Variants in PPP2R2B observed in about 807,000 individuals in gnomAD.
PPP2R2B encodes the protein protein phosphatase 2 regulatory subunit Bbeta.
Under a neutral mutation model 46.0 loss-of-function variants are expected in PPP2R2B, and 5 were observed. The observed-to-expected ratio is 0.11, with a 90% CI of 0.06 to 0.23. PPP2R2B has a LOEUF of 0.23. PPP2R2B is among the 10% of genes least tolerant of loss of function. The pLI, the probability that PPP2R2B is intolerant of heterozygous loss-of-function variation, is 1.00. For missense variants in PPP2R2B, 367 were observed against 575.0 expected, an observed-to-expected ratio of 0.64 and a Z score of 3.70; for synonymous variants, 215 against 206.7, an observed-to-expected ratio of 1.04 and a Z score of -0.34.
chr5:146,879,450 A>C (rs1245714422), upstream of PPP2R2B, among the ~76,000 whole-genome samples: 1 of 152,200 alleles, frequency 6.6e-6, no homozygotes, highest in Non-Finnish European at 1.5e-5. Context: ...CGTTTTGGAC[A>C]AATTATTGCA....
chr5:146,945,672 A>G (rs1764456801), intron 1 of PPP2R2B, among the ~76,000 whole-genome samples: 1 of 152,206 alleles, frequency 6.6e-6, no homozygotes, highest in South Asian at 2.1e-4. Context: ...TTGTTTTCCT[A>G]AAGTTTAGAG....
At chr5:147,014,558 A>C (rs1355593823) in intron 1 of PPP2R2B, among the ~76,000 whole-genome samples, 1 of 152,176 alleles carries the variant, frequency 6.6e-6, no homozygotes, top group Non-Finnish European at 1.5e-5. Flanking sequence ...ATGCAGCCAT[A>C]AAAAATGATG....
intron 2 of PPP2R2B, among the ~76,000 whole-genome samples, chr5:146,840,862 A>G (rs1185563352): frequency 6.6e-6 from 1 of 152,206 alleles, no homozygotes; most frequent in Non-Finnish European, 1.5e-5. Flanking sequence ...TAGACTAATA[A>G]AAGAAACAAA....
At position 146,588,982 on chromosome 5, in the gene PPP2R2B, C is replaced by G. The variant is rs1348924273; in HGVS notation, c.*965G>C. The G allele has an allele frequency of 6.6e-6, 1 of 152,202 alleles. No homozygotes were observed. The highest frequency in any genetic ancestry group is 2.4e-5 in the African/African-American group (1 of 41,418). The allele number at this position is 152,202 out of a possible 1,614,324, so 9.4% of individuals were successfully genotyped here. On this transcript the variant is annotated 3_prime_UTR_variant, in exon 10 of 10. Coordinates refer to ENST00000394411, the MANE Select transcript of PPP2R2B (RefSeq NM_181675.4). Reference sequence around the variant, plus strand: ...AAACACCCAAAAAGAACAGACCAGCCTTTCTCAGGGACTCAGGGGTGGTGG... The same window carrying G: ...AAACACCCAAAAAGAACAGACCAGCGTTTCTCAGGGACTCAGGGGTGGTGG...
At chr5:146,813,689 C>A (rs571927100) in intron 2 of PPP2R2B, among the ~76,000 whole-genome samples, 1 of 152,156 alleles carries the variant, frequency 6.6e-6, no homozygotes, top group Non-Finnish European at 1.5e-5. Flanking sequence ...TGCTCTGCTC[C>A]GCTGCTATTT....
chr5:146,649,786 T>C (rs1434892945), intron 6 of PPP2R2B, among the ~76,000 whole-genome samples: 3 of 152,148 alleles, frequency 2.0e-5, no homozygotes, highest in Non-Finnish European at 4.4e-5. Flanking sequence ...GAGATAATGA[T>C]ACTTACATTA....
At chr5:146,604,843 C>G (rs1353612086) in intron 7 of PPP2R2B, among the ~76,000 whole-genome samples, 1 of 152,196 alleles carries the variant, frequency 6.6e-6, no homozygotes, top group African/African-American at 2.4e-5. Context: ...ACCTCCACAA[C>G]AGGGCCTTGC....
chr5:146,857,271 T>G (rs1363053554), intron 2 of PPP2R2B, among the ~76,000 whole-genome samples: 1 of 152,104 alleles, frequency 6.6e-6, no homozygotes, highest in Non-Finnish European at 1.5e-5. Context: ...TATGAGGTTA[T>G]ATCCTACGAG....
chr5:146,851,244 A>C (rs558601791), intron 2 of PPP2R2B, among the ~76,000 whole-genome samples: 3 of 152,108 alleles, frequency 2.0e-5, no homozygotes, highest in Non-Finnish European at 4.4e-5. Flanking sequence ...TATTGGGCTC[A>C]AGCTCTCATC....
intron 1 of PPP2R2B, among the ~76,000 whole-genome samples, chr5:147,033,675 C>G (rs977013324): frequency 6.6e-6 from 1 of 151,924 alleles, no homozygotes; most frequent in Middle Eastern, 3.2e-3. Flanking sequence ...GCAAGTCAAG[C>G]CTTCATCACA....
At chr5:146,684,336 A>C (rs35577600) in intron 5 of PPP2R2B, among the ~76,000 whole-genome samples, 1 of 152,246 alleles carries the variant, frequency 6.6e-6, no homozygotes, top group Admixed American at 6.5e-5. Flanking sequence ...TCCTGACTCA[A>C]CCAATAATTT....
intron 2 of PPP2R2B, among the ~76,000 whole-genome samples, chr5:146,836,936 T>G (rs1211382874): frequency 6.6e-6 from 1 of 152,224 alleles, no homozygotes; most frequent in Non-Finnish European, 1.5e-5. Flanking sequence ...GTCCATCCAT[T>G]CATTTCTTCA....
At position 146,609,367 on chromosome 5, in the gene PPP2R2B, G is replaced by T. The variant is rs377145150; in HGVS notation, c.791-8907C>A. On this transcript the variant is annotated intron_variant, in intron 7 of 9. Transcript: ENST00000394411. ...GTCCTAGATAGAGCAATCAGACAAA[G>T]GAAGAAAAGGCATCCAAATTGGAAA... 1.7e-4 allele frequency among the ~76,000 whole-genome samples: 26 copies of T among 152,282 alleles called. No homozygotes were observed. The East Asian group carries it at 2.9e-3, about 17-fold the overall frequency.
intron 1 of PPP2R2B, among the ~76,000 whole-genome samples, chr5:147,033,698 A>C (rs1452158232): frequency 6.6e-6 from 1 of 152,126 alleles, no homozygotes; most frequent in Admixed American, 6.5e-5. Flanking sequence ...GATGCCACTC[A>C]TATTTCCCTC....
intron 2 of PPP2R2B, among the ~76,000 whole-genome samples, chr5:147,073,147 T>A (rs2151911797): frequency 6.6e-6 from 1 of 152,352 alleles, no homozygotes. Flanking sequence ...CATAAATATT[T>A]GTTAATTAAA....
At chr5:147,058,666 A>G (rs1303838647), upstream of PPP2R2B, among the ~76,000 whole-genome samples, 1 of 152,188 alleles carries the variant, frequency 6.6e-6, no homozygotes, top group Non-Finnish European at 1.5e-5. Flanking sequence ...CTAGGCACCT[A>G]TCTACCCACA....
chr5:147,004,508 GA>G (rs1282438257), intron 1 of PPP2R2B, among the ~76,000 whole-genome samples: 1 of 152,168 alleles, frequency 6.6e-6, no homozygotes, highest in Non-Finnish European at 1.5e-5. Flanking sequence ...ACCATCCGAG[GA>G]ATCCTGGGAC....
chr5:146,910,127 C>T (rs962070611), intron 1 of PPP2R2B, among the ~76,000 whole-genome samples: 3 of 152,194 alleles, frequency 2.0e-5, no homozygotes, highest in African/African-American at 7.2e-5. Context: ...GAATTCATTT[C>T]AGGCAAGCCT....
intron 1 of PPP2R2B, among the ~76,000 whole-genome samples, chr5:146,924,743 C>T (rs924089728): frequency 6.6e-6 from 1 of 152,044 alleles, no homozygotes; most frequent in African/African-American, 2.4e-5. Flanking sequence ...ATTATGTAGG[C>T]CATCCTGCTT....
Sources: gnomAD v4.1 joint callset for allele counts (sites outside exome capture counted in the v4.1 genomes callset) on GRCh38, gnomAD v4.1.1 for gene constraint, MANE v1.5 for transcripts, NCBI Gene and HGNC (gene_info 2026-07-23, HGNC 2026-07-21) for gene names.